Variants in IQSEC1 observed in about 807,000 individuals in gnomAD.
The protein encoded by IQSEC1 is IQ motif and Sec7 domain ArfGEF 1.
A neutral mutation model predicts 91.0 loss-of-function variants in IQSEC1; 31 were observed. That is an observed-to-expected ratio of 0.34 (90% CI 0.26 to 0.46). The LOEUF (loss-of-function observed/expected upper bound fraction) is 0.46. Among genes scored for constraint, IQSEC1 ranks in the 20% least tolerant of loss-of-function variants. The pLI is 1.00. For missense variants in IQSEC1, 1,388 were observed against 1,575.6 expected (o/e 0.88, Z 2.02); for synonymous variants, 699 against 662.6 (o/e 1.05, Z -0.84).
rs74705907 is a variant in IQSEC1, at chr3:13,205,478, T to C, written c.273-41345A>G. Reference sequence around the variant, plus strand: ...CCTCATCCTTCCTTCTCTCCCTCCATCTACCTGCCCATCTACCTATTCCTC... The same window carrying C: ...CCTCATCCTTCCTTCTCTCCCTCCACCTACCTGCCCATCTACCTATTCCTC... On this transcript the variant is annotated intron_variant, in intron 1 of 15. Coordinates refer to the IQSEC1 transcript ENST00000648114. Among the ~76,000 whole-genome samples the C allele has an allele frequency of 7.5e-3, 1,134 of 151,972 alleles. 97 individuals are homozygous for C. In the East Asian group the frequency reaches 0.19, roughly 25 times the overall value.
rs148724933 is a variant in IQSEC1 at position 13,146,566 on chromosome 3, G to A, written c.302+17538C>T. On this transcript the variant is annotated intron_variant, in intron 2 of 15. Transcript: ENST00000648114. Reference sequence around the variant, plus strand: ...AGAATAACTCACTCGAGGGCAGGGCGCAGTGGCTCATGCCTGTCATCCCAG... The same window carrying A: ...AGAATAACTCACTCGAGGGCAGGGCACAGTGGCTCATGCCTGTCATCCCAG... Among the ~76,000 whole-genome samples, 815 of 152,332 alleles carry A rather than the reference G, an allele frequency of 5.4e-3. 9 individuals carry two copies. Among genetic ancestry groups the A allele is most frequent in the African/African-American group, 0.018 (765 of 41,578 alleles).
chr3:13,021,814 G>C (rs1294367528), intron 1 of IQSEC1, among the ~76,000 whole-genome samples: 1 of 152,120 alleles, frequency 6.6e-6, no homozygotes, highest in African/African-American at 2.4e-5. Flanking sequence ...TTTCCTGAAC[G>C]TGTGCTCTGG....
At chr3:13,118,774 A>T (rs1706376021) in intron 2 of IQSEC1, among the ~76,000 whole-genome samples, 1 of 152,190 alleles carries the variant, frequency 6.6e-6, no homozygotes, top group Admixed American at 6.5e-5. Flanking sequence ...ACGTCATGAC[A>T]CCTAAAAATG....
chr3:13,131,060 G>GGAA (rs1189527555), intron 2 of IQSEC1, among the ~76,000 whole-genome samples: 2 of 151,392 alleles, frequency 1.3e-5, no homozygotes, highest in Admixed American at 6.6e-5. Flanking sequence ...AAGGAAGGAA[G>GGAA]GAAGGAGGGA....
rs1245617334 is a variant in IQSEC1, at chr3:12,909,734, G to A, written c.2417-300C>T. 2.6e-5 allele frequency among the ~76,000 whole-genome samples: 4 copies of A among 152,234 alleles called. No individual in the cohort carries two copies. The highest frequency in any genetic ancestry group is 1.3e-4 in the Admixed American group (2 of 15,288). On this transcript the variant is annotated intron_variant, in intron 10 of 13. Transcript: ENST00000613206. The surrounding 1 kb of genome is among the most constrained non-coding windows in gnomAD (Gnocchi z 4.9). ...AGGTTGCGTCCTGAGAAAGGTGGGA[G>A]TCTTCTCTAGTCATCTCAGTTCTGG...
At position 13,033,460 on chromosome 3, in the gene IQSEC1, C is replaced by T. The variant is rs968541824; in HGVS notation, c.23+39532G>A. Among the ~76,000 whole-genome samples the T allele has an allele frequency of 7.2e-5, 11 of 152,060 alleles. No homozygotes were observed. In the East Asian group the frequency reaches 1.2e-3, roughly 16 times the overall value. On this transcript the variant is annotated intron_variant, in intron 1 of 13. Coordinates refer to ENST00000613206, the MANE Select transcript of IQSEC1 (RefSeq NM_001134382.3). ...GCTGTGTTCTCCCTGTGTCTTCACA[C>T]GGCATATTAGTCAGGGGTCTCCAGA...
chr3:13,012,773 C>T, intron 1 of IQSEC1, among the ~76,000 whole-genome samples: 1 of 152,158 alleles, frequency 6.6e-6, no homozygotes, highest in East Asian at 1.9e-4. Flanking sequence ...AAGCTAGTTA[C>T]CCTCCAGACT....
In IQSEC1 at chr3:12,979,014, T is replaced by C. The variant is rs76091839; in HGVS notation, c.24-37149A>G. ...CTACATGGGGCATGAAGTGTGGGGA[T>C]GGGTGCGCTGTGGGGCATGAGGCCA... On this transcript the variant is annotated intron_variant, in intron 1 of 13. Coordinates refer to ENST00000613206, the MANE Select transcript of IQSEC1 (RefSeq NM_001134382.3). The surrounding 1 kb of genome is among the most constrained non-coding windows in gnomAD (Gnocchi z 4.3). Among the ~76,000 whole-genome samples the C allele has an allele frequency of 0.017, 2,621 of 152,252 alleles. 77 individuals are homozygous for C. Among genetic ancestry groups the C allele is most frequent in the African/African-American group, 0.06 (2,503 of 41,534 alleles).
intron 2 of IQSEC1, among the ~76,000 whole-genome samples, chr3:13,090,217 C>CA (rs35754054): frequency 0.37 from 51,826 of 140,830 alleles, 9,442 homozygotes; most frequent in East Asian, 0.56. Flanking sequence ...GACTCTGTCT[C>CA]AAAAAAAATA....
At position 12,909,542 on chromosome 3, in the gene IQSEC1, G is replaced by A. The variant is rs1342160586; in HGVS notation, c.2417-108C>T. On this transcript the variant is annotated intron_variant, in intron 10 of 13. Transcript: ENST00000613206. This position sits in a 1 kb window ranked among gnomAD's most constrained non-coding sequence, Gnocchi z 4.9. Reference sequence around the variant, plus strand: ...TAGGGCTGAGTTGTGCGTGAGCCTGGGATAAGTGCCGGGAGTCCAGCCTCC... The same window carrying A: ...TAGGGCTGAGTTGTGCGTGAGCCTGAGATAAGTGCCGGGAGTCCAGCCTCC... 3 of 1,164,976 alleles carry A rather than the reference G, an allele frequency of 2.6e-6. No individual in the cohort carries two copies. The highest frequency in any genetic ancestry group is 2.9e-4 in the Middle Eastern group (1 of 3,414). The allele number at this position is 1,164,976 out of a possible 1,614,324, so 72.2% of individuals were successfully genotyped here.
At chr3:12,957,165 T>C (rs2125455411) in intron 1 of IQSEC1, among the ~76,000 whole-genome samples, 1 of 152,302 alleles carries the variant, frequency 6.6e-6, no homozygotes, top group Non-Finnish European at 1.5e-5. Context: ...TCCAAAGGCC[T>C]CCTTCCTTCC....
chr3:13,139,860 C>T (rs115664926), intron 2 of IQSEC1, among the ~76,000 whole-genome samples: 2,183 of 152,252 alleles, frequency 0.014, 42 homozygotes, highest in African/African-American at 0.04. Context: ...TGAACACCCG[C>T]GGTATGGCAG....
intron 1 of IQSEC1, among the ~76,000 whole-genome samples, chr3:13,225,925 G>T (rs1278391874): frequency 6.6e-6 from 1 of 151,802 alleles, no homozygotes; most frequent in Non-Finnish European, 1.5e-5. Context: ...TGTCTCCCAG[G>T]CTGGAGTGCA....
intron 2 of IQSEC1, among the ~76,000 whole-genome samples, chr3:13,137,596 C>G (rs539693738): frequency 6.6e-6 from 1 of 152,304 alleles, no homozygotes; most frequent in South Asian, 2.1e-4. Context: ...GGGTGCAAAT[C>G]ATTGGGAATG....
intron 2 of IQSEC1, among the ~76,000 whole-genome samples, chr3:13,144,765 C>A (rs929803302): frequency 6.6e-6 from 1 of 152,216 alleles, no homozygotes; most frequent in Non-Finnish European, 1.5e-5. Context: ...CCTGGAGGCA[C>A]GAAAAGGCCA....
Position 13,211,199 on chromosome 3 carries a change from G to A in IQSEC1, c.273-47066C>T, listed in dbSNP as rs1694438031. 6.6e-6 allele frequency among the ~76,000 whole-genome samples: 1 copy of A among 152,240 alleles called. No homozygotes were observed. Among genetic ancestry groups the A allele is most frequent in the East Asian group, 1.9e-4 (1 of 5,204 alleles). On this transcript the variant is annotated intron_variant, in intron 1 of 15. Coordinates refer to the IQSEC1 transcript ENST00000648114. The surrounding 1 kb of genome is among the most constrained non-coding windows in gnomAD (Gnocchi z 5.3). ...AGGGCAGGAGAACAGTGTAAGCACA[G>A]CCTGAAGAAATGAGGATCCAGCCTC...
chr3:13,042,630 C>T (rs6810137), intron 1 of IQSEC1, among the ~76,000 whole-genome samples: 53,241 of 152,132 alleles, frequency 0.35, 10,701 homozygotes, highest in African/African-American at 0.56. Context: ...CTGGTGCCTC[C>T]GAGGGCTTCC....
intron 2 of IQSEC1, among the ~76,000 whole-genome samples, chr3:13,082,474 C>T (rs945508635): frequency 3.3e-5 from 5 of 152,196 alleles, no homozygotes; most frequent in Non-Finnish European, 5.9e-5. Context: ...TGGCCTGGTA[C>T]CCAGCGGGCA....
chr3:13,001,415 T>C (rs569463318), intron 1 of IQSEC1, among the ~76,000 whole-genome samples: 3 of 152,338 alleles, frequency 2.0e-5, no homozygotes, highest in South Asian at 4.1e-4. Flanking sequence ...ACTTAAGAAC[T>C]GATGGGCCTC....
Sources: gnomAD v4.1 joint callset for allele counts (sites outside exome capture counted in the v4.1 genomes callset) on GRCh38, gnomAD v4.1.1 for gene constraint, Gnocchi (gnomAD v3.1) non-coding constraint, MANE v1.5 for transcripts, NCBI Gene and HGNC (gene_info 2026-07-23, HGNC 2026-07-21) for gene names.